The following ANKRD11 variants were observed in gnomAD, a reference collection of about 807,000 sequenced individuals.
The protein encoded by ANKRD11 is ankyrin repeat domain-containing protein 11.
ANKRD11 carries 17 observed loss-of-function variants against 195.7 expected under a neutral mutation model. The observed-to-expected ratio is 0.09, with a 90% CI of 0.06 to 0.13. ANKRD11 has a LOEUF of 0.13. Among genes scored for constraint, ANKRD11 ranks in the 10% least tolerant of loss-of-function variants. The pLI is 1.00. For missense variants in ANKRD11, 3,735 were observed against 3,566.1 expected, an observed-to-expected ratio of 1.05 and a Z score of -1.21; for synonymous variants, 1,953 against 1,528.1, an observed-to-expected ratio of 1.28 and a Z score of -6.49.
At chr16:89,323,776 GCT>G (rs952185536) in intron 2 of ANKRD11, 3 of 252,570 alleles carry the variant, frequency 1.2e-5, no homozygotes, top group African/African-American at 7.1e-5. Context: ...GGCCGCACCA[GCT>G]CTCTCTCCTT....
intron 2 of ANKRD11, among the ~76,000 whole-genome samples, chr16:89,377,406 G>T (rs964315978): frequency 6.6e-6 from 1 of 151,966 alleles, no homozygotes; most frequent in Non-Finnish European, 1.5e-5. Context: ...TCTGGAGGTT[G>T]TGTGTGATTC....
At chr16:89,458,425 C>T (rs1207522455) in intron 1 of ANKRD11, among the ~76,000 whole-genome samples, 4 of 152,136 alleles carry the variant, frequency 2.6e-5, no homozygotes, top group African/African-American at 9.7e-5. Context: ...GGGGTTTCAC[C>T]ATGTTAGCCA....
At position 89,418,316 on chromosome 16, in the gene ANKRD11, G is replaced by A; in HGVS notation, c.-92C>T. 6.6e-6 allele frequency: 3 copies of A among 454,052 alleles called. No homozygotes were observed. The highest frequency in any genetic ancestry group is 4.7e-5 in the South Asian group (3 of 64,474). 28.1% of individuals were successfully genotyped at this position (454,052 alleles called of 1,614,324 possible). On this transcript the variant is annotated 5_prime_UTR_variant, in exon 2 of 13. Coordinates refer to ENST00000301030, the MANE Select transcript of ANKRD11 (RefSeq NM_013275.6). The stretch of plus-strand genomic sequence containing the variant: ...ATAGCTGAAAGTCAGTGCTGACGAG[G>A]ACTGTCTTTTAAATCCAATGGAGGT...
At chr16:89,295,393 G>GC (rs1488761763) in intron 4 of ANKRD11, among the ~76,000 whole-genome samples, 2 of 152,152 alleles carry the variant, frequency 1.3e-5, no homozygotes, top group Admixed American at 1.3e-4. Context: ...AAGAAACAAG[G>GC]CCCGTAGGGC....
intron 2 of ANKRD11, among the ~76,000 whole-genome samples, chr16:89,407,303 G>A (rs2041944979): frequency 1.3e-5 from 2 of 151,930 alleles, no homozygotes; most frequent in Non-Finnish European, 2.9e-5. Flanking sequence ...GGAACACGGG[G>A]GGAAAAAGAA....
intron 1 of ANKRD11, among the ~76,000 whole-genome samples, chr16:89,442,536 C>G (rs1341129223): frequency 6.6e-6 from 1 of 152,162 alleles, no homozygotes; most frequent in Non-Finnish European, 1.5e-5. Context: ...CTCAATACCC[C>G]TAGATTTTAG....
At chr16:89,314,880 C>G (rs572980692) in intron 3 of ANKRD11, among the ~76,000 whole-genome samples, 1 of 152,182 alleles carries the variant, frequency 6.6e-6, no homozygotes, top group Non-Finnish European at 1.5e-5. Flanking sequence ...CTCTGTGAAG[C>G]GCAGGCCAGG....
intron 1 of ANKRD11, among the ~76,000 whole-genome samples, chr16:89,461,192 C>A (rs1325530741): frequency 7.3e-6 from 1 of 137,888 alleles, no homozygotes; most frequent in Middle Eastern, 3.7e-3. Flanking sequence ...CCCCCCCCCC[C>A]CCTTATAGGA....
Position 89,279,704 on chromosome 16 carries a change from CCA to C in ANKRD11, c.6836_6837del (p.Val2279GlyfsTer16), listed in dbSNP as rs1555525296. 6.6e-7 allele frequency: 1 copy of C among 1,516,772 alleles called. No homozygotes were observed. Among genetic ancestry groups the C allele is most frequent in the Non-Finnish European group, 8.8e-7 (1 of 1,136,346 alleles). 94.0% of individuals were successfully genotyped at this position (1,516,772 alleles called of 1,614,324 possible). ...GCACCGTCTGCGGCCTGAGCTTGTGCCACAGTGTTCGGGGCGGGGCCGTCAGG... is the reference window on the plus strand; with the variant it reads ...GCACCGTCTGCGGCCTGAGCTTGTGCCAGTGTTCGGGGCGGGGCCGTCAGG... ...CAPDGPAPNT[V>X]AQAQAADGAG... On this transcript the variant is annotated frameshift_variant, in exon 9 of 13. Transcript: ENST00000301030. LOFTEE classifies it high-confidence loss of function. This position sits in a 1 kb window ranked among gnomAD's most constrained non-coding sequence, Gnocchi z 5.6.
In ANKRD11 at chr16:89,300,617, A is replaced by G. The variant is rs548186772; in HGVS notation, c.226+4589T>C. 37 of 477,422 alleles carry G rather than the reference A, an allele frequency of 7.7e-5. 1 individual carries two copies. The highest frequency in any genetic ancestry group is 5.6e-4 in the East Asian group (15 of 26,888). The allele number at this position is 477,422 out of a possible 1,614,324, so 29.6% of individuals were successfully genotyped here. Reference sequence around the variant, plus strand: ...AGTTCCAAGAAGTCCCACAGATACCAGTGGCTAAGTCTGTCTTCCCTCCAG... The same window carrying G: ...AGTTCCAAGAAGTCCCACAGATACCGGTGGCTAAGTCTGTCTTCCCTCCAG... On this transcript the variant is annotated intron_variant, in intron 4 of 12. Coordinates refer to ENST00000301030, the MANE Select transcript of ANKRD11 (RefSeq NM_013275.6).
rs192332488 is a variant in ANKRD11 at position 89,315,720 on chromosome 16, T to G, written c.87+1213A>C. On this transcript the variant is annotated intron_variant, in intron 3 of 12. Coordinates refer to ENST00000301030, the MANE Select transcript of ANKRD11 (RefSeq NM_013275.6). Reference sequence around the variant, plus strand: ...CAGACATCAAGGGTCTCAGAGCTGCTGTCGTTTAGCACCTGCACGTGTCCG... The same window carrying G: ...CAGACATCAAGGGTCTCAGAGCTGCGGTCGTTTAGCACCTGCACGTGTCCG... 3.3e-4 allele frequency among the ~76,000 whole-genome samples: 51 copies of G among 152,342 alleles called. No homozygotes were observed. In the East Asian group the frequency reaches 5.0e-3, roughly 15 times the overall value.
intron 2 of ANKRD11, among the ~76,000 whole-genome samples, chr16:89,398,319 GA>G (rs1428155713): frequency 5.0e-5 from 7 of 139,450 alleles, no homozygotes; most frequent in Non-Finnish European, 9.3e-5. Context: ...GGGACACTGT[GA>G]AACAGCTGAA....
At chr16:89,302,418 A>G (rs2035915125) in intron 4 of ANKRD11, among the ~76,000 whole-genome samples, 1 of 152,100 alleles carries the variant, frequency 6.6e-6, no homozygotes, top group Admixed American at 6.5e-5. Flanking sequence ...ACACCTGGCT[A>G]ATTTTTGTAT....
chr16:89,365,392 A>G (rs1002000781), intron 2 of ANKRD11, among the ~76,000 whole-genome samples: 1 of 152,206 alleles, frequency 6.6e-6, no homozygotes, highest in African/African-American at 2.4e-5. Context: ...GAACACAGAC[A>G]TCCTTGGCCA....
At chr16:89,472,360 T>G (rs1040803666) in intron 1 of ANKRD11, among the ~76,000 whole-genome samples, 1 of 152,100 alleles carries the variant, frequency 6.6e-6, no homozygotes, top group South Asian at 2.1e-4. Context: ...TCAGGAGATC[T>G]GCACATTTAC....
At position 89,317,054 on chromosome 16, in the gene ANKRD11, C is replaced by T; in HGVS notation, c.-35G>A. The T allele has an allele frequency of 6.3e-7, 1 of 1,599,044 alleles. No individual in the cohort carries two copies. Among genetic ancestry groups the T allele is most frequent in the South Asian group, 1.1e-5 (1 of 89,118 alleles). On this transcript the variant is annotated 5_prime_UTR_variant, in exon 3 of 13. Coordinates refer to ENST00000301030, the MANE Select transcript of ANKRD11 (RefSeq NM_013275.6). ...CCTCACCCGATCTTCATTTACACGG[C>T]CGGCGCTTCATCATCAACCGTCTGC...
chr16:89,350,869 C>T (rs1234089085), intron 2 of ANKRD11, among the ~76,000 whole-genome samples: 1 of 152,074 alleles, frequency 6.6e-6, no homozygotes, highest in Admixed American at 6.5e-5. Flanking sequence ...GGAACGGGTC[C>T]CATGGCATAA....
chr16:89,469,314 C>T (rs2056991328), intron 1 of ANKRD11, among the ~76,000 whole-genome samples: 1 of 152,110 alleles, frequency 6.6e-6, no homozygotes, highest in Admixed American at 6.6e-5. Flanking sequence ...CTCTGCCTCC[C>T]AGGTTCAAGA....
intron 1 of ANKRD11, among the ~76,000 whole-genome samples, chr16:89,466,216 T>C (rs944347039): frequency 6.6e-6 from 1 of 151,822 alleles, no homozygotes; most frequent in Non-Finnish European, 1.5e-5. Flanking sequence ...GACAGTTCAA[T>C]TCTCTGAAGA....
Sources: gnomAD v4.1 joint callset for allele counts (sites outside exome capture counted in the v4.1 genomes callset) on GRCh38, gnomAD v4.1.1 for gene constraint, Gnocchi (gnomAD v3.1) non-coding constraint, MANE v1.5 for transcripts, NCBI Gene and HGNC (gene_info 2026-07-23, HGNC 2026-07-21) for gene names.